The following SMG1 variants were observed in gnomAD, a reference collection of about 807,000 sequenced individuals.
The protein encoded by SMG1 is serine/threonine-protein kinase SMG1.
In SMG1, 22 loss-of-function variants were observed where a neutral mutation model predicts 419.9. That is an observed-to-expected ratio of 0.05 (90% CI 0.04 to 0.07). The LOEUF (loss-of-function observed/expected upper bound fraction) is 0.07, where lower values mean the gene tolerates loss of function less well. SMG1 is among the 10% of genes least tolerant of loss of function. SMG1 has a pLI of 1.00. For missense variants in SMG1, 3,185 were observed against 4,342.0 expected, an observed-to-expected ratio of 0.73 and a Z score of 7.49; for synonymous variants, 1,538 against 1,553.5, an observed-to-expected ratio of 0.99 and a Z score of 0.23.
chr16:18,891,538 C>A (rs1259954421), intron 4 of SMG1, among the ~76,000 whole-genome samples: 1 of 151,650 alleles, frequency 6.6e-6, no homozygotes, highest in Non-Finnish European at 1.5e-5. Context: ...TGGGTTCAAG[C>A]GATTCTCCTG....
In SMG1 at chr16:18,850,069, T is replaced by C. The variant is rs750570288; in HGVS notation, c.5341A>G (p.Thr1781Ala). 7 of 1,614,030 alleles carry C rather than the reference T, an allele frequency of 4.3e-6. No individual in the cohort carries two copies. In the South Asian group the frequency reaches 6.6e-5, roughly 15 times the overall value. ...GTGGCCATCACAATCATGTCATCAG[T>C]GCTCTGTTCCACTCTGTGACTTAAA... is the stretch of plus-strand genomic sequence containing the variant. ...LHLSHRVEQS[T>A]DDMIVMATLR... is the part of the protein sequence containing the mutation. The change falls in exon 35 of 63, where the codon ACT (threonine) becomes GCT (alanine). Residue 1781 changes from threonine (T) to alanine (A), a missense_variant. Physicochemically the swap from Thr to Ala is moderately conservative, Grantham distance 58 (BLOSUM62 0). This residue lies in a region of SMG1 where 493 missense variants were observed against 552.9 expected (regional missense o/e 0.89). Transcript: ENST00000446231.
In SMG1 at chr16:18,834,262, T is replaced by C; in HGVS notation, c.8507A>G (p.Asn2836Ser). Reference protein sequence around the residue: ...HLVPQDLDIPNPMEASETVHL... With the variant: ...HLVPQDLDIPSPMEASETVHL... ...AACTGTCTCAGACGCTTCCATGGGG[T>C]TCGGGATATCTAAGTCCTGTGGCAC... Residue 2836 changes from asparagine (N) to serine (S), a missense_variant, in exon 50 of 63, where the codon AAC becomes AGC. Around this residue, in one of 27 missense-constraint regions of SMG1, gnomAD observed 412 missense variants for 546.6 expected, o/e 0.75. Coordinates refer to ENST00000446231, the MANE Select transcript of SMG1 (RefSeq NM_015092.5). The C allele has an allele frequency of 6.2e-7, 1 of 1,610,092 alleles. No homozygotes were observed. Among genetic ancestry groups the C allele is most frequent in the Non-Finnish European group, 8.5e-7 (1 of 1,178,250 alleles).
rs1000438192 is a variant in SMG1 at position 18,868,987 on chromosome 16, T to C, written c.2833+117A>G. On this transcript the variant is annotated intron_variant, in intron 20 of 62. Transcript: ENST00000446231. The stretch of plus-strand genomic sequence containing the variant: ...TTATTCTAACAAACATACCTGAAAA[T>C]TATTGACTTTTTTCAAAAAAATCAT... The C allele has an allele frequency of 4.3e-5, 38 of 883,752 alleles. No individual in the cohort carries two copies. The African/African-American group carries it at 5.8e-4, about 13-fold the overall frequency. 54.7% of individuals were successfully genotyped at this position (883,752 alleles called of 1,614,324 possible).
rs1032151464 is a variant in SMG1 at position 18,844,584 on chromosome 16, G to A, written c.6219+845C>T. Among the ~76,000 whole-genome samples the A allele has an allele frequency of 5.5e-4, 30 of 54,792 alleles. 1 individual carries two copies. The highest frequency in any genetic ancestry group is 6.8e-4 in the Non-Finnish European group (18 of 26,382). 35.9% of individuals were successfully genotyped at this position (54,792 alleles called of 152,430 possible). On this transcript the variant is annotated intron_variant, in intron 39 of 62. Coordinates refer to ENST00000446231, the MANE Select transcript of SMG1 (RefSeq NM_015092.5). The stretch of plus-strand genomic sequence containing the variant: ...TCATCCTTCTCTCACACACACACAC[G>A]GAAACTCGAGTTTTGGCAAGAACAC...
At chr16:18,900,109 G>A (rs111344619) in intron 1 of SMG1, 1 of 794,492 alleles carries the variant, frequency 1.3e-6, no homozygotes, top group Non-Finnish European at 2.1e-6. Flanking sequence ...TTCAAACATG[G>A]AGCAAATATC....
chr16:18,897,852 A>T (rs1189051039), intron 1 of SMG1, among the ~76,000 whole-genome samples: 3 of 152,078 alleles, frequency 2.0e-5, no homozygotes, highest in Non-Finnish European at 4.4e-5. Context: ...GAAAAATCCA[A>T]GTAAGTTCTT....
intron 56 of SMG1, among the ~76,000 whole-genome samples, chr16:18,818,603 G>C (rs2032231812): frequency 6.6e-6 from 1 of 151,960 alleles, no homozygotes; most frequent in South Asian, 2.1e-4. Context: ...TGCACTATTT[G>C]GGATTTCTAT....
chr16:18,847,971 C>T lies in SMG1; in HGVS notation c.5686G>A (p.Val1896Ile). Residue 1896 changes from valine (V) to isoleucine (I), a missense_variant, in exon 37 of 63, where the codon GTT becomes ATT. Val to Ile is a conservative substitution (Grantham distance 29). Coordinates refer to ENST00000446231, the MANE Select transcript of SMG1 (RefSeq NM_015092.5). The stretch of plus-strand genomic sequence containing the variant: ...GGACTTCCTCCCTCACATTCAGAAA[C>T]CAGCAATTCTTCTCCTTGAATATTG... ...LGNIQGEELL[V>I]SECEGGSPPA... The T allele has an allele frequency of 6.2e-7, 1 of 1,613,936 alleles. No homozygotes were observed. Among genetic ancestry groups the T allele is most frequent in the South Asian group, 1.1e-5 (1 of 91,084 alleles).
chr16:18,920,678 C>CA (rs1301194398), intron 1 of SMG1, among the ~76,000 whole-genome samples: 8 of 149,806 alleles, frequency 5.3e-5, no homozygotes, highest in South Asian at 2.1e-4. Context: ...CTACAAAAAA[C>CA]AAAAAAAAAT....
At chr16:18,882,088 A>C (rs2036425260) in intron 10 of SMG1, 77 bp downstream of exon 10, 2 of 981,692 alleles carry the variant, frequency 2.0e-6, no homozygotes, top group Non-Finnish European at 2.9e-6. Flanking sequence ...ATAACAGTTC[A>C]CCAGGTAAAG....
chr16:18,890,975 A>G, intron 4 of SMG1, 54 bp from the exon 5 acceptor site: 3 of 875,344 alleles, frequency 3.4e-6, no homozygotes, highest in Non-Finnish European at 5.8e-6. Flanking sequence ...TTTTAAGAAT[A>G]GCATTGTGTA....
Position 18,926,255 on chromosome 16 carries a change from G to A in SMG1, c.-214C>T, listed in dbSNP as rs901001406. 15 of 537,914 alleles carry A rather than the reference G, an allele frequency of 2.8e-5. No individual in the cohort carries two copies. The highest frequency in any genetic ancestry group is 3.6e-5 in the Non-Finnish European group (11 of 308,482). The allele number at this position is 537,914 out of a possible 1,614,324, so 33.3% of individuals were successfully genotyped here. On this transcript the variant is annotated 5_prime_UTR_variant, in exon 1 of 63. Coordinates refer to ENST00000446231, the MANE Select transcript of SMG1 (RefSeq NM_015092.5). Reference sequence around the variant, plus strand: ...TCCGCCTGAGCCCGCAGCGCAGGACGAGGAGGCGGGAGCGGCGCGGTGAGA... The same window carrying A: ...TCCGCCTGAGCCCGCAGCGCAGGACAAGGAGGCGGGAGCGGCGCGGTGAGA...
chr16:18,884,427 T>C (rs905366342), intron 8 of SMG1, among the ~76,000 whole-genome samples: 7 of 152,196 alleles, frequency 4.6e-5, no homozygotes, highest in Non-Finnish European at 8.8e-5. Context: ...GTAAATTTCA[T>C]ATCTATATTG....
intron 36 of SMG1, 78 bp from the exon 37 acceptor site, chr16:18,848,111 T>C: frequency 8.2e-7 from 1 of 1,220,530 alleles, no homozygotes; most frequent in Non-Finnish European, 1.2e-6. Flanking sequence ...AAAACACTGA[T>C]AATCTATTTG....
intron 3 of SMG1, 49 bp from the exon 4 acceptor site, chr16:18,892,403 G>A: frequency 1.4e-6 from 2 of 1,420,802 alleles, no homozygotes; most frequent in Non-Finnish European, 1.9e-6. Flanking sequence ...AATAAGCAAA[G>A]ATATTTTTAA....
At chr16:18,881,097 GAC>G (rs1233868330) in intron 10 of SMG1, among the ~76,000 whole-genome samples, 5 of 149,992 alleles carry the variant, frequency 3.3e-5, no homozygotes, top group African/African-American at 1.2e-4. Context: ...CAGCCTGGGT[GAC>G]AGAGTGAGGC....
intron 9 of SMG1, among the ~76,000 whole-genome samples, chr16:18,882,676 GT>G (rs922796896): frequency 6.6e-6 from 1 of 152,146 alleles, no homozygotes. Flanking sequence ...TCCTGAATTA[GT>G]TTTTGGCTAA....
In SMG1 at chr16:18,835,935, C is replaced by T. The variant is rs1003384344; in HGVS notation, c.8055G>A (p.Arg2685=). Residue 2685 remains arginine (R), a splice_region_variant and synonymous_variant, in exon 48 of 63, where the codon AGG becomes AGA. Coordinates refer to ENST00000446231, the MANE Select transcript of SMG1 (RefSeq NM_015092.5). ...TTVERCQELY[R]KYEMQYAPQP... ...AAAATTAAGCACTATCAACTTACTTCCTATAGAGCTCTTGACAACGCTCTA... is the reference window on the plus strand; with the variant it reads ...AAAATTAAGCACTATCAACTTACTTTCTATAGAGCTCTTGACAACGCTCTA... 32 of 1,551,710 alleles carry T rather than the reference C, an allele frequency of 2.1e-5. No individual in the cohort carries two copies. The highest frequency in any genetic ancestry group is 2.7e-5 in the African/African-American group (2 of 73,030).
chr16:18,808,809 G>A lies in SMG1; in HGVS notation c.*760C>T, dbSNP rs994150387. The A allele has an allele frequency of 6.6e-6, 1 of 152,578 alleles. No individual in the cohort carries two copies. The highest frequency in any genetic ancestry group is 1.5e-5 in the Non-Finnish European group (1 of 68,026). The allele number at this position is 152,578 out of a possible 1,614,324, so 9.5% of individuals were successfully genotyped here. ...TCCATGTTATCAGAAGTTGTTAACA[G>A]CATCGAGACGGAAGTATATGAAATA... is the stretch of plus-strand genomic sequence containing the variant. On this transcript the variant is annotated 3_prime_UTR_variant, in exon 63 of 63. Coordinates refer to ENST00000446231, the MANE Select transcript of SMG1 (RefSeq NM_015092.5).
Sources: gnomAD v4.1 joint callset for allele counts (sites outside exome capture counted in the v4.1 genomes callset) on GRCh38, gnomAD v4.1.1 for gene constraint, gnomAD v4.1.1 regional missense constraint, MANE v1.5 for transcripts, NCBI Gene and HGNC (gene_info 2026-07-23, HGNC 2026-07-21) for gene names.